The following ARHGAP22 variants were observed in gnomAD, a reference collection of about 807,000 sequenced individuals.
ARHGAP22 encodes Rho GTPase activating protein 22, also known as rho GTPase-activating protein 22.
ARHGAP22 carries 48 observed loss-of-function variants against 59.1 expected under a neutral mutation model. That is an observed-to-expected ratio of 0.81 (90% confidence interval 0.64 to 1.03). The LOEUF (loss-of-function observed/expected upper bound fraction) is 1.03, where lower values mean the gene tolerates loss of function less well. ARHGAP22 is among the 50% of genes least tolerant of loss of function. ARHGAP22 has a pLI of 0.00. For missense variants in ARHGAP22, 1,015 were observed against 958.7 expected, an observed-to-expected ratio of 1.06 and a Z score of -0.78; for synonymous variants, 445 against 416.4, an observed-to-expected ratio of 1.07 and a Z score of -0.84.
At chr10:48,517,994 T>A (rs1388275270) in intron 3 of ARHGAP22, among the ~76,000 whole-genome samples, 2 of 151,536 alleles carry the variant, frequency 1.3e-5, no homozygotes, top group Non-Finnish European at 2.9e-5. Flanking sequence ...GGCTCAGAGG[T>A]GTGAGGGGGA....
chr10:48,558,476 C>T (rs899303982), intron 2 of ARHGAP22, among the ~76,000 whole-genome samples: 3 of 152,092 alleles, frequency 2.0e-5, no homozygotes, highest in Non-Finnish European at 2.9e-5. Context: ...GAGCCTCCCA[C>T]CTCGACCTCT....
rs529942246 is a variant in ARHGAP22 at position 48,568,529 on chromosome 10, G to A, written c.235-12979C>T. 6.6e-5 allele frequency among the ~76,000 whole-genome samples: 10 copies of A among 152,338 alleles called. No homozygotes were observed. The South Asian group carries it at 1.9e-3, about 28-fold the overall frequency. On this transcript the variant is annotated intron_variant, in intron 2 of 9. Coordinates refer to ENST00000249601, the MANE Select transcript of ARHGAP22 (RefSeq NM_021226.4). Reference sequence around the variant, plus strand: ...GCATAAGACACTGCAGTTGAGACAGGTATGTTCACAGGGAACCAGCCCTCA... The same window carrying A: ...GCATAAGACACTGCAGTTGAGACAGATATGTTCACAGGGAACCAGCCCTCA...
chr10:48,470,979 T>C (rs535555662), intron 4 of ARHGAP22, among the ~76,000 whole-genome samples: 1 of 152,334 alleles, frequency 6.6e-6, no homozygotes, highest in East Asian at 1.9e-4. Flanking sequence ...TTTAGAGATG[T>C]CATTCCATCA....
chr10:48,582,399 G>A (rs1019552304), intron 2 of ARHGAP22, among the ~76,000 whole-genome samples: 2 of 152,220 alleles, frequency 1.3e-5, no homozygotes, highest in South Asian at 2.1e-4. Context: ...CCGCTGTGAC[G>A]AGGCTATACT....
At chr10:48,457,759 G>C (rs537656109) in intron 5 of ARHGAP22, among the ~76,000 whole-genome samples, 2 of 152,258 alleles carry the variant, frequency 1.3e-5, no homozygotes, top group Admixed American at 1.3e-4. Flanking sequence ...GGGCTAAAGG[G>C]GACCTTCTTA....
chr10:48,473,994 G>T (rs1272964377), intron 4 of ARHGAP22, among the ~76,000 whole-genome samples: 1 of 152,208 alleles, frequency 6.6e-6, no homozygotes, highest in Non-Finnish European at 1.5e-5. Context: ...TCCTTCTGGG[G>T]CTGCGTTCCC....
the ARHGAP22 span, chr10:48,435,230 CTG>C: frequency 1.1e-5 from 5 of 450,406 alleles, no homozygotes; most frequent in African/African-American, 4.0e-5. Flanking sequence ...AGCAACAAAA[CTG>C]TATTGTATTT....
chr10:48,457,983 G>A (rs1445478675), intron 5 of ARHGAP22, among the ~76,000 whole-genome samples: 1 of 151,000 alleles, frequency 6.6e-6, no homozygotes, highest in Non-Finnish European at 1.5e-5. Context: ...GCCTCCCTCA[G>A]GGGTGGGTGG....
At chr10:48,547,619 C>T (rs2056556028) in intron 3 of ARHGAP22, among the ~76,000 whole-genome samples, 1 of 152,272 alleles carries the variant, frequency 6.6e-6, no homozygotes, top group African/African-American at 2.4e-5. Context: ...TGGTACCCTT[C>T]ACCTCCTTCT....
the ARHGAP22 span, among the ~76,000 whole-genome samples, chr10:48,433,474 C>G: frequency 6.6e-6 from 1 of 152,134 alleles, no homozygotes; most frequent in Non-Finnish European, 1.5e-5. Flanking sequence ...ATAGAATATA[C>G]TATCTGAATT....
chr10:48,549,860 G>T (rs1183895920), intron 3 of ARHGAP22, among the ~76,000 whole-genome samples: 3 of 152,104 alleles, frequency 2.0e-5, no homozygotes, highest in African/African-American at 4.8e-5. Flanking sequence ...TGGACCCTGA[G>T]CCCACTCAGC....
intron 3 of ARHGAP22, chr10:48,524,158 C>A: frequency 3.3e-6 from 4 of 1,194,066 alleles, no homozygotes; most frequent in Non-Finnish European, 4.1e-6. Context: ...GCCGCCTGCG[C>A]CCCGGGGCGG....
chr10:48,539,038 T>C (rs776686178), intron 3 of ARHGAP22, among the ~76,000 whole-genome samples: 1 of 152,216 alleles, frequency 6.6e-6, no homozygotes, highest in Non-Finnish European at 1.5e-5. Flanking sequence ...ACTCAAAGGA[T>C]AATATTGGAA....
At chr10:48,643,478 T>C (rs1049533260) in intron 1 of ARHGAP22, among the ~76,000 whole-genome samples, 2 of 151,984 alleles carry the variant, frequency 1.3e-5, no homozygotes, top group African/African-American at 4.8e-5. Flanking sequence ...CTGGAAACCA[T>C]CATTCTCAGC....
chr10:48,585,679 C>T (rs1406231084), intron 1 of ARHGAP22, among the ~76,000 whole-genome samples: 1 of 152,214 alleles, frequency 6.6e-6, no homozygotes, highest in Non-Finnish European at 1.5e-5. Flanking sequence ...GTACCACTAG[C>T]CACCCTGGTG....
intron 3 of ARHGAP22, among the ~76,000 whole-genome samples, chr10:48,533,987 GC>G (rs2055111978): frequency 6.6e-6 from 1 of 152,350 alleles, no homozygotes; most frequent in East Asian, 1.9e-4. Flanking sequence ...AGAGGGCCGT[GC>G]CCAGGAGGGG....
intron 1 of ARHGAP22, among the ~76,000 whole-genome samples, chr10:48,636,814 C>T (rs569816239): frequency 6.6e-6 from 1 of 152,298 alleles, no homozygotes; most frequent in East Asian, 1.9e-4. Context: ...ATGCAAAACC[C>T]AGAGTGCTGG....
intron 3 of ARHGAP22, chr10:48,493,612 T>A: frequency 6.8e-7 from 1 of 1,463,080 alleles, no homozygotes; most frequent in East Asian, 2.5e-5. Flanking sequence ...CTCGGCTGCC[T>A]GTGTGCTCTG....
chr10:48,641,773 G>T (rs2062056953), intron 1 of ARHGAP22, among the ~76,000 whole-genome samples: 1 of 152,134 alleles, frequency 6.6e-6, no homozygotes, highest in African/African-American at 2.4e-5. Flanking sequence ...AGAAATAAAA[G>T]GTATTCAATT....
Sources: gnomAD v4.1 joint callset for allele counts (sites outside exome capture counted in the v4.1 genomes callset) on GRCh38, gnomAD v4.1.1 for gene constraint, MANE v1.5 for transcripts, NCBI Gene and HGNC (gene_info 2026-07-23, HGNC 2026-07-21) for gene names.